The following LARGE1 variants were observed in gnomAD, a reference collection of about 807,000 sequenced individuals.
The protein encoded by LARGE1 is xylosyl- and glucuronyltransferase LARGE1.
Under a neutral mutation model 87.6 loss-of-function variants are expected in LARGE1, and 43 were observed. That is an observed-to-expected ratio of 0.49 (90% confidence interval 0.38 to 0.63). The LOEUF is 0.63. Ranked by LOEUF, LARGE1 falls within the 30% of genes least tolerant of loss-of-function variation. LARGE1 has a pLI of 0.00. For missense variants in LARGE1, 802 were observed against 1,000.2 expected (o/e 0.80, Z 2.67); for synonymous variants, 434 against 394.6 (o/e 1.10, Z -1.18).
intron 2 of LARGE1, among the ~76,000 whole-genome samples, chr22:33,661,421 C>T (rs1006916780): frequency 6.6e-6 from 1 of 152,030 alleles, no homozygotes; most frequent in African/African-American, 2.4e-5. Flanking sequence ...ACCATGTTGG[C>T]CAGCCTGTTC....
At chr22:33,337,405 C>T (rs1346030786) in intron 10 of LARGE1, among the ~76,000 whole-genome samples, 1 of 152,126 alleles carries the variant, frequency 6.6e-6, no homozygotes, top group Non-Finnish European at 1.5e-5. Flanking sequence ...TGCTTGGAAA[C>T]TCACTTCTGA....
At chr22:33,785,052 C>CAT (rs1259124556) in intron 1 of LARGE1, among the ~76,000 whole-genome samples, 19 of 145,704 alleles carry the variant, frequency 1.3e-4, no homozygotes, top group East Asian at 8.3e-4. Context: ...TGTATACATA[C>CAT]ATGTGTATAT....
chr22:33,070,162 C>A, the LARGE1 span, among the ~76,000 whole-genome samples: 1 of 152,198 alleles, frequency 6.6e-6, no homozygotes, highest in Admixed American at 6.5e-5. Context: ...TTTCTCAATT[C>A]CTGCAAGGAC....
chr22:33,209,309 G>T (rs191933340), intron 11 of LARGE1, among the ~76,000 whole-genome samples: 6 of 152,284 alleles, frequency 3.9e-5, no homozygotes, highest in African/African-American at 1.4e-4. Flanking sequence ...CAAATGCAAA[G>T]GTAGGAGGTA....
chr22:33,241,447 C>T, intron 11 of LARGE1, among the ~76,000 whole-genome samples: 1 of 151,992 alleles, frequency 6.6e-6, no homozygotes, highest in East Asian at 1.9e-4. Context: ...GAATTTCCAG[C>T]ATTCATCACA....
At chr22:33,798,633 A>G (rs1014376122) in intron 1 of LARGE1, among the ~76,000 whole-genome samples, 2 of 152,128 alleles carry the variant, frequency 1.3e-5, no homozygotes, top group African/African-American at 4.8e-5. Context: ...CCCCGGACAT[A>G]GGACCTTGAC....
chr22:33,856,386 C>CATATGGCT, intron 1 of LARGE1, among the ~76,000 whole-genome samples: 1 of 152,066 alleles, frequency 6.6e-6, no homozygotes, highest in Non-Finnish European at 1.5e-5. Context: ...GAGGTCCATA[C>CATATGGCT]GAAGAGGCTG....
At chr22:33,891,026 ATGGGAAG>A (rs2064991716) in intron 1 of LARGE1, among the ~76,000 whole-genome samples, 1 of 8,724 alleles carries the variant, frequency 1.1e-4, no homozygotes, top group Non-Finnish European at 1.8e-4. Context: ...TTCTGTGCAT[ATGGGAAG>A]CTGCATACGG....
chr22:33,661,361 G>A (rs73400757), intron 2 of LARGE1, among the ~76,000 whole-genome samples: 3,302 of 151,786 alleles, frequency 0.022, 111 homozygotes, highest in African/African-American at 0.077. Flanking sequence ...GATTACAGGC[G>A]CGCCACCATG....
chr22:33,421,050 G>A (rs1279165973), intron 7 of LARGE1, among the ~76,000 whole-genome samples: 1 of 152,110 alleles, frequency 6.6e-6, no homozygotes, highest in African/African-American at 2.4e-5. Flanking sequence ...TTAGCCAGGT[G>A]TGGTGATGCA....
At chr22:33,591,842 CAA>C (rs759357005) in intron 5 of LARGE1, among the ~76,000 whole-genome samples, 4 of 102,042 alleles carry the variant, frequency 3.9e-5, no homozygotes, top group East Asian at 2.8e-4. Context: ...CCCGTCTCTC[CAA>C]AAAAAAAAAA....
intron 6 of LARGE1, among the ~76,000 whole-genome samples, chr22:33,529,115 G>C (rs1018643032): frequency 2.0e-5 from 3 of 152,024 alleles, no homozygotes; most frequent in African/African-American, 7.2e-5. Context: ...TTTCCTATCA[G>C]CTTATGCCTT....
chr22:33,393,021 A>T (rs2065589384), intron 7 of LARGE1, among the ~76,000 whole-genome samples: 2 of 152,212 alleles, frequency 1.3e-5, no homozygotes. Context: ...GGCAGCTAAG[A>T]GATACATCCA....
At chr22:33,741,011 T>G (rs1029005077) in intron 2 of LARGE1, among the ~76,000 whole-genome samples, 5 of 152,196 alleles carry the variant, frequency 3.3e-5, no homozygotes, top group African/African-American at 1.2e-4. Flanking sequence ...TTACCTTCGA[T>G]TGTCACAGAA....
chr22:33,799,741 C>A (rs923045199), intron 1 of LARGE1, among the ~76,000 whole-genome samples: 1 of 152,144 alleles, frequency 6.6e-6, no homozygotes, highest in South Asian at 2.1e-4. Flanking sequence ...CAATAAGGAA[C>A]ATTCTCACAA....
At chr22:33,574,415 A>G (rs2078291206) in intron 5 of LARGE1, among the ~76,000 whole-genome samples, 2 of 152,188 alleles carry the variant, frequency 1.3e-5, no homozygotes, top group Admixed American at 1.3e-4. Context: ...GGGAATGACA[A>G]GAAAAAACTC....
chr22:33,755,800 G>C (rs866607441), intron 2 of LARGE1, among the ~76,000 whole-genome samples: 2 of 152,178 alleles, frequency 1.3e-5, no homozygotes, highest in African/African-American at 4.8e-5. Context: ...AGGAGCGAGT[G>C]CTCAGTTAGA....
At chr22:33,785,142 CAT>C (rs1491125660) in intron 1 of LARGE1, among the ~76,000 whole-genome samples, 5 of 136,594 alleles carry the variant, frequency 3.7e-5, no homozygotes, top group Non-Finnish European at 7.8e-5. Context: ...TGTATACATA[CAT>C]ATGTGTATAT....
At chr22:33,185,949 A>C (rs2146178678) in intron 11 of LARGE1, among the ~76,000 whole-genome samples, 1 of 152,292 alleles carries the variant, frequency 6.6e-6, no homozygotes, top group South Asian at 2.1e-4. Context: ...AAAAATTACT[A>C]GAATTTCTAC....
Sources: allele counts gnomAD v4.1 joint callset (sites outside exome capture counted in the v4.1 genomes callset), GRCh38; gene constraint gnomAD v4.1.1; transcripts MANE v1.5; gene names NCBI Gene and HGNC (gene_info 2026-07-23, HGNC 2026-07-21).